GRK5: variants seen among roughly 807,000 people sequenced by gnomAD.
The protein encoded by GRK5 is G protein-coupled receptor kinase 5, also known as g protein-coupled receptor kinase GRK5.
Under a neutral mutation model 78.4 loss-of-function variants are expected in GRK5, and 40 were observed. The ratio of observed to expected loss-of-function variants is 0.51; its 90% CI spans 0.40 to 0.66. GRK5 has a LOEUF of 0.66. Ranked by LOEUF, GRK5 falls within the 30% of genes least tolerant of loss-of-function variation. GRK5 has a pLI of 0.00. For missense variants in GRK5, 598 were observed against 759.9 expected (o/e 0.79, Z 2.50); for synonymous variants, 289 against 296.8 (o/e 0.97, Z 0.27).
At chr10:119,413,378 G>C (rs189702704) in intron 4 of GRK5, among the ~76,000 whole-genome samples, 1 of 150,904 alleles carries the variant, frequency 6.6e-6, no homozygotes, top group African/African-American at 2.4e-5. Flanking sequence ...CTTCTTTCCT[G>C]CTGTGAACGT....
At chr10:119,270,737 G>A (rs1471517541) in intron 1 of GRK5, among the ~76,000 whole-genome samples, 1 of 152,246 alleles carries the variant, frequency 6.6e-6, no homozygotes, top group Admixed American at 6.5e-5. Flanking sequence ...GAGATTTTCA[G>A]CAGTTTCTCC....
chr10:119,298,862 C>T (rs931702012), intron 1 of GRK5, among the ~76,000 whole-genome samples: 3 of 152,220 alleles, frequency 2.0e-5, no homozygotes, highest in African/African-American at 7.2e-5. Flanking sequence ...ATCCCCCACT[C>T]CTGGCCAACT....
chr10:119,397,734 T>C (rs1467201052), intron 4 of GRK5, among the ~76,000 whole-genome samples: 1 of 152,226 alleles, frequency 6.6e-6, no homozygotes, highest in Non-Finnish European at 1.5e-5. Flanking sequence ...TTGCACCAAA[T>C]GTAGCCCTCG....
At chr10:119,288,979 T>C (rs531882082) in intron 1 of GRK5, among the ~76,000 whole-genome samples, 4 of 152,372 alleles carry the variant, frequency 2.6e-5, no homozygotes, top group African/African-American at 9.6e-5. Context: ...GGGCTGAGTC[T>C]GTTTATTTTT....
intron 12 of GRK5, among the ~76,000 whole-genome samples, chr10:119,447,811 C>T (rs1589816105): frequency 6.6e-6 from 1 of 152,322 alleles, no homozygotes. Flanking sequence ...CCTTTTGTTG[C>T]TTACCCTACA....
chr10:119,422,515 C>T (rs1852590436), intron 4 of GRK5, among the ~76,000 whole-genome samples: 1 of 152,224 alleles, frequency 6.6e-6, no homozygotes, highest in Non-Finnish European at 1.5e-5. Flanking sequence ...AGTCACAGAT[C>T]TGGGATTCAA....
chr10:119,432,839 G>A (rs1852845477), intron 8 of GRK5, among the ~76,000 whole-genome samples: 1 of 152,224 alleles, frequency 6.6e-6, no homozygotes, highest in Non-Finnish European at 1.5e-5. Flanking sequence ...GGGAGGTCGA[G>A]GCAGACAGAT....
chr10:119,263,843 G>A (rs1414646225), intron 1 of GRK5, among the ~76,000 whole-genome samples: 2 of 152,160 alleles, frequency 1.3e-5, no homozygotes, highest in African/African-American at 2.4e-5. Context: ...GAGGAGAATG[G>A]CATGAACCCA....
Position 119,214,548 on chromosome 10 carries a change from G to T in GRK5, c.52+6579G>T, listed in dbSNP as rs775975004. On this transcript the variant is annotated intron_variant, in intron 1 of 15. Coordinates refer to ENST00000392870, the MANE Select transcript of GRK5 (RefSeq NM_005308.3). Reference sequence around the variant, plus strand: ...GTTTTGTTTTGTTTTTTGAGACAGGGTCTTGCTGTCACCCAGTCTGTAGTG... The same window carrying T: ...GTTTTGTTTTGTTTTTTGAGACAGGTTCTTGCTGTCACCCAGTCTGTAGTG... 2.6e-5 allele frequency among the ~76,000 whole-genome samples: 4 copies of T among 152,202 alleles called. No homozygotes were observed. In the South Asian group the frequency reaches 8.3e-4, roughly 32 times the overall value.
At chr10:119,261,280 C>CTGCAATCTCAGCACTTTGG (rs1178798185) in intron 1 of GRK5, among the ~76,000 whole-genome samples, 1 of 147,770 alleles carries the variant, frequency 6.8e-6, no homozygotes, top group African/African-American at 2.5e-5. Flanking sequence ...CGGGCAGAGG[C>CTGCAATCTCAGCACTTTGG]GCTCCTCACA....
Position 119,452,734 on chromosome 10 carries a change from A to G in GRK5, c.1468A>G (p.Asn490Asp). The G allele has an allele frequency of 6.2e-7, 1 of 1,614,166 alleles. No individual in the cohort carries two copies. The highest frequency in any genetic ancestry group is 8.5e-7 in the Non-Finnish European group (1 of 1,180,026). The change falls in exon 14 of 16, where the codon AAT (asparagine) becomes GAT (aspartate). Residue 490 changes from asparagine (N) to aspartate (D), a missense_variant. Physicochemically the swap from Asn to Asp is conservative, Grantham distance 23 (BLOSUM62 1). Transcript: ENST00000392870. The surrounding 1 kb of genome is among the most constrained non-coding windows in gnomAD (Gnocchi z 4.4). ...GCAGTTCTCCACTGTGAAGGGCGTC[A>G]ATCTGGACCACACAGACGACGACTT... is the stretch of plus-strand genomic sequence containing the variant. The part of the protein sequence containing the change: ...IEQFSTVKGV[N>D]LDHTDDDFYS...
intron 1 of GRK5, among the ~76,000 whole-genome samples, chr10:119,257,070 C>G (rs1356041382): frequency 1.3e-5 from 2 of 152,236 alleles, no homozygotes; most frequent in African/African-American, 4.8e-5. Context: ...TGATTCATTA[C>G]TTTTTGTGGC....
Position 119,456,985 on chromosome 10 carries a change from T to C in GRK5, c.*1918T>C, listed in dbSNP as rs1853409875. ...CTGGGCTTCCCTCAAATCTTTTTAA[T>C]GTGCAGTATTTTTTTGTTCAAGACC... On this transcript the variant is annotated 3_prime_UTR_variant, in exon 16 of 16. Coordinates refer to ENST00000392870, the MANE Select transcript of GRK5 (RefSeq NM_005308.3). The surrounding 1 kb of genome is among the most constrained non-coding windows in gnomAD (Gnocchi z 5.5). The C allele has an allele frequency of 1.3e-5, 2 of 152,236 alleles. No homozygotes were observed. The highest frequency in any genetic ancestry group is 4.1e-4 in the South Asian group (2 of 4,834). The allele number at this position is 152,236 out of a possible 1,614,324, so 9.4% of individuals were successfully genotyped here.
In GRK5 at chr10:119,431,613, G is replaced by T. The variant is rs550115144; in HGVS notation, c.738+86G>T. ...CTCCGGAAGGGCGTGGTCCTCTAAT[G>T]CGGCCGGTCCCCACCCCTGGGAAGG... On this transcript the variant is annotated intron_variant, in intron 8 of 15. Transcript: ENST00000392870. The surrounding 1 kb of genome is among the most constrained non-coding windows in gnomAD (Gnocchi z 4.8). 6.7e-7 allele frequency: 1 copy of T among 1,495,358 alleles called. No homozygotes were observed. The highest frequency in any genetic ancestry group is 9.0e-7 in the Non-Finnish European group (1 of 1,107,594). The allele number at this position is 1,495,358 out of a possible 1,614,324, so 92.6% of individuals were successfully genotyped here.
intron 1 of GRK5, among the ~76,000 whole-genome samples, chr10:119,226,754 G>T (rs1024865678): frequency 3.3e-5 from 5 of 151,480 alleles, no homozygotes; most frequent in Admixed American, 6.6e-5. Context: ...TAGAGATGGG[G>T]TTTCACCATG....
intron 2 of GRK5, among the ~76,000 whole-genome samples, chr10:119,327,975 G>T (rs1049271888): frequency 6.6e-6 from 1 of 152,216 alleles, no homozygotes; most frequent in African/African-American, 2.4e-5. Flanking sequence ...TGCCCTCTCT[G>T]CTGGCCACAT....
Position 119,421,162 on chromosome 10 carries a change from G to A in GRK5, c.340-2004G>A, listed in dbSNP as rs74157670. On this transcript the variant is annotated intron_variant, in intron 4 of 15. Transcript: ENST00000392870. ...CGAACAGACAACCAGCACCAGCTCC[G>A]TGCCAGGCCTTGGGCCCTCCTGGAC... Among the ~76,000 whole-genome samples the A allele has an allele frequency of 3.2e-3, 484 of 152,340 alleles. 3 individuals are homozygous for A. The highest frequency in any genetic ancestry group is 0.01 in the African/African-American group (421 of 41,574).
intron 1 of GRK5, among the ~76,000 whole-genome samples, chr10:119,323,707 T>G (rs758431433): frequency 6.6e-6 from 1 of 152,174 alleles, no homozygotes; most frequent in Non-Finnish European, 1.5e-5. Flanking sequence ...TCATTTTTAT[T>G]TATTTCAATA....
intron 2 of GRK5, among the ~76,000 whole-genome samples, chr10:119,375,904 A>G (rs1239216136): frequency 6.6e-6 from 1 of 152,260 alleles, no homozygotes; most frequent in Non-Finnish European, 1.5e-5. Context: ...CCCACAGGCC[A>G]CAATAGCTCC....
Sources: allele counts gnomAD v4.1 joint callset (sites outside exome capture counted in the v4.1 genomes callset), GRCh38; gene constraint gnomAD v4.1.1; non-coding constraint Gnocchi (gnomAD v3.1); transcripts MANE v1.5; gene names NCBI Gene and HGNC (gene_info 2026-07-23, HGNC 2026-07-21).